Variants in GPC6 observed in about 807,000 individuals in gnomAD.
GPC6 encodes glypican-6.
In GPC6, 14 loss-of-function variants were observed where a neutral mutation model predicts 55.2. The ratio of observed to expected loss-of-function variants is 0.25; its 90% CI spans 0.17 to 0.40. The LOEUF is 0.40. GPC6 is among the 10% of genes least tolerant of loss of function. GPC6 has a pLI of 1.00. For missense variants in GPC6, 641 were observed against 708.5 expected (o/e 0.90, Z 1.08); for synonymous variants, 278 against 259.6 (o/e 1.07, Z -0.68).
At chr13:93,732,327 T>C (rs16949153) in intron 2 of GPC6, among the ~76,000 whole-genome samples, 22,360 of 152,040 alleles carry the variant, frequency 0.15, 2,882 homozygotes, top group South Asian at 0.32. Flanking sequence ...CAAATGCAGC[T>C]TATTAAGATC....
chr13:93,478,585 A>G (rs1386234848), intron 1 of GPC6, among the ~76,000 whole-genome samples: 1 of 152,190 alleles, frequency 6.6e-6, no homozygotes, highest in Non-Finnish European at 1.5e-5. Context: ...CAGAGTATTT[A>G]TCTGAATCTT....
At chr13:94,076,778 A>C (rs1884929190) in intron 4 of GPC6, among the ~76,000 whole-genome samples, 2 of 151,984 alleles carry the variant, frequency 1.3e-5, no homozygotes, top group South Asian at 4.2e-4. Flanking sequence ...TTTGAAGATA[A>C]GTTAATCATA....
chr13:93,401,636 C>T (rs572880011), intron 1 of GPC6, among the ~76,000 whole-genome samples: 56 of 145,902 alleles, frequency 3.8e-4, no homozygotes, highest in Non-Finnish European at 7.1e-4. Context: ...CGGTAAAGAG[C>T]TGAGGAGAAA....
chr13:93,672,997 A>G (rs1881434025), intron 2 of GPC6, among the ~76,000 whole-genome samples: 1 of 152,188 alleles, frequency 6.6e-6, no homozygotes, highest in Admixed American at 6.6e-5. Flanking sequence ...TTTTCAAGTA[A>G]TAACATTCCT....
intron 1 of GPC6, among the ~76,000 whole-genome samples, chr13:93,535,694 A>C (rs1343535421): frequency 1.3e-5 from 2 of 151,608 alleles, no homozygotes; most frequent in Non-Finnish European, 2.9e-5. Flanking sequence ...GAAAAAAAAA[A>C]AAAAAAACCA....
rs571752708 is a variant in GPC6, at chr13:94,005,649, A to C, written c.712-22080A>C. Among the ~76,000 whole-genome samples, 130 of 152,274 alleles carry C rather than the reference A, an allele frequency of 8.5e-4. 1 individual carries two copies. Among genetic ancestry groups the C allele is most frequent in the Middle Eastern group, 6.8e-3 (2 of 294 alleles). Reference sequence around the variant, plus strand: ...TTAGTTCCTAGGACTCAATTTCCTCATCCCTTGATTCTGTATTTTTTGCAG... The same window carrying C: ...TTAGTTCCTAGGACTCAATTTCCTCCTCCCTTGATTCTGTATTTTTTGCAG... On this transcript the variant is annotated intron_variant, in intron 3 of 8. Coordinates refer to ENST00000377047, the MANE Select transcript of GPC6 (RefSeq NM_005708.5).
At chr13:93,573,995 T>C (rs992951344) in intron 2 of GPC6, among the ~76,000 whole-genome samples, 3 of 152,152 alleles carry the variant, frequency 2.0e-5, no homozygotes, top group Admixed American at 2.0e-4. Context: ...TAACACCCGA[T>C]TGCCAATAAT....
At chr13:93,432,211 G>A (rs186212750) in intron 1 of GPC6, among the ~76,000 whole-genome samples, 26 of 152,256 alleles carry the variant, frequency 1.7e-4, no homozygotes, top group Admixed American at 5.2e-4. Context: ...ATATGTAAGC[G>A]TTGCCTTTAC....
At chr13:93,375,108 A>G (rs1469838874) in intron 1 of GPC6, among the ~76,000 whole-genome samples, 1 of 152,190 alleles carries the variant, frequency 6.6e-6, no homozygotes, top group Non-Finnish European at 1.5e-5. Context: ...TAAATTAAAA[A>G]TAGCTCCTCT....
At chr13:93,480,730 G>T (rs942677777) in intron 1 of GPC6, among the ~76,000 whole-genome samples, 3 of 151,800 alleles carry the variant, frequency 2.0e-5, no homozygotes, top group Non-Finnish European at 2.9e-5. Flanking sequence ...TCTTTACTTA[G>T]TGTAGTATGT....
At chr13:93,706,288 G>T (rs1160505058) in intron 2 of GPC6, among the ~76,000 whole-genome samples, 1 of 151,824 alleles carries the variant, frequency 6.6e-6, no homozygotes, top group African/African-American at 2.4e-5. Flanking sequence ...ATTAAGAAAT[G>T]AATATTCACC....
intron 2 of GPC6, among the ~76,000 whole-genome samples, chr13:93,612,225 C>T (rs1458800538): frequency 6.6e-6 from 1 of 152,144 alleles, no homozygotes; most frequent in Non-Finnish European, 1.5e-5. Flanking sequence ...TTAGGCTGGG[C>T]GCGGTGGCTC....
At chr13:93,432,898 TGAGAGGGA>T (rs1173770390) in intron 1 of GPC6, among the ~76,000 whole-genome samples, 1 of 145,556 alleles carries the variant, frequency 6.9e-6, no homozygotes. Flanking sequence ...TGTGAGAGAG[TGAGAGGGA>T]GAGAGGGAGA....
chr13:93,513,884 T>TG (rs1566398457), intron 1 of GPC6, among the ~76,000 whole-genome samples: 1 of 147,000 alleles, frequency 6.8e-6, no homozygotes, highest in East Asian at 2.0e-4. Flanking sequence ...GGCTTTTTTT[T>TG]TTTTTTTTTT....
chr13:93,227,709 T>C lies in GPC6; in HGVS notation c.160+93T>C. On this transcript the variant is annotated intron_variant, in intron 1 of 8. Transcript: ENST00000377047. This position sits in a 1 kb window ranked among gnomAD's most constrained non-coding sequence, Gnocchi z 4.3. ...GCGTCCCCTTCCTTCCCCCTGTTGC[T>C]GAGTTGGTGCTCACTTTCTGCCACC... 9.8e-7 allele frequency: 1 copy of C among 1,024,996 alleles called. No homozygotes were observed. Among genetic ancestry groups the C allele is most frequent in the South Asian group, 1.5e-5 (1 of 68,674 alleles). 63.5% of individuals were successfully genotyped at this position (1,024,996 alleles called of 1,614,324 possible). A position where few individuals can be genotyped will look rare whatever the true frequency, so the allele number is the denominator to read the frequency against.
intron 1 of GPC6, among the ~76,000 whole-genome samples, chr13:93,421,500 G>A (rs563225158): frequency 1.6e-4 from 25 of 152,234 alleles, no homozygotes; most frequent in African/African-American, 5.1e-4. Context: ...TTGCTTAGAG[G>A]CAGATAAAAT....
chr13:93,928,022 A>C (rs184698448), intron 3 of GPC6, among the ~76,000 whole-genome samples: 90 of 152,088 alleles, frequency 5.9e-4, no homozygotes, highest in Non-Finnish European at 1.2e-3. Flanking sequence ...TAGTATGGGC[A>C]ATTAGTGGAA....
At chr13:93,231,298 T>G (rs1297053277) in intron 1 of GPC6, among the ~76,000 whole-genome samples, 1 of 145,690 alleles carries the variant, frequency 6.9e-6, no homozygotes, top group Non-Finnish European at 1.5e-5. Context: ...ATGCAAAATC[T>G]ATTCTTTCCT....
chr13:93,296,106 T>TG (rs1878488822), intron 1 of GPC6, among the ~76,000 whole-genome samples: 1 of 152,170 alleles, frequency 6.6e-6, no homozygotes, highest in Non-Finnish European at 1.5e-5. Flanking sequence ...ATGAGTTTTG[T>TG]GGGGAAGGAA....
Sources: allele counts gnomAD v4.1 joint callset (sites outside exome capture counted in the v4.1 genomes callset), GRCh38; gene constraint gnomAD v4.1.1; non-coding constraint Gnocchi (gnomAD v3.1); transcripts MANE v1.5; gene names NCBI Gene and HGNC (gene_info 2026-07-23, HGNC 2026-07-21).